The following TENM4 variants were observed in gnomAD, a reference collection of about 807,000 sequenced individuals.
The protein encoded by TENM4 is teneurin-4.
TENM4 carries 82 observed loss-of-function variants against 243.3 expected under a neutral mutation model. The ratio of observed to expected loss-of-function variants is 0.34; its 90% CI spans 0.28 to 0.40. TENM4 has a LOEUF of 0.40. TENM4 is among the 10% of genes least tolerant of loss of function. The pLI, the probability that TENM4 is intolerant of heterozygous loss-of-function variation, is 1.00. For synonymous variants in TENM4, 1,412 were observed against 1,456.3 expected (o/e 0.97, Z 0.69); for missense variants, 3,138 against 3,673.3 (o/e 0.85, Z 3.77).
At chr11:79,437,955 A>G (rs1281301171) in intron 1 of TENM4, among the ~76,000 whole-genome samples, 1 of 152,154 alleles carries the variant, frequency 6.6e-6, no homozygotes, top group African/African-American at 2.4e-5. Context: ...TGGCTTTTCA[A>G]TCGCATTGTT....
At chr11:79,231,922 A>G (rs1202271550) in intron 2 of TENM4, among the ~76,000 whole-genome samples, 2 of 152,176 alleles carry the variant, frequency 1.3e-5, no homozygotes, top group East Asian at 3.9e-4. Flanking sequence ...TCTACTAAAA[A>G]TAGAAAAATT....
chr11:79,302,899 C>T (rs1165675026), intron 1 of TENM4, among the ~76,000 whole-genome samples: 1 of 152,150 alleles, frequency 6.6e-6, no homozygotes, highest in East Asian at 1.9e-4. Flanking sequence ...TGTTGATGCC[C>T]TCACTTTGGT....
At chr11:79,321,640 C>CAAA (rs60886884) in intron 1 of TENM4, among the ~76,000 whole-genome samples, 29 of 82,212 alleles carry the variant, frequency 3.5e-4, no homozygotes, top group South Asian at 1.5e-3. Flanking sequence ...AGGAAATTAC[C>CAAA]AAAAAAAAAA....
chr11:79,260,372 C>A (rs1855775262), intron 2 of TENM4, among the ~76,000 whole-genome samples: 1 of 152,158 alleles, frequency 6.6e-6, no homozygotes, highest in Non-Finnish European at 1.5e-5. Flanking sequence ...TAAGAACATC[C>A]CTTTAATGAA....
At chr11:79,135,792 AT>A (rs1862099443) in intron 4 of TENM4, among the ~76,000 whole-genome samples, 2 of 140,260 alleles carry the variant, frequency 1.4e-5, no homozygotes, top group Non-Finnish European at 1.5e-5. Flanking sequence ...GATATATATC[AT>A]TATATATGTA....
At chr11:78,927,447 C>T (rs1438277769) in intron 6 of TENM4, among the ~76,000 whole-genome samples, 6 of 151,994 alleles carry the variant, frequency 3.9e-5, no homozygotes, top group Admixed American at 3.3e-4. Flanking sequence ...AACATGGTTG[C>T]TAAGGGATGT....
intron 18 of TENM4, among the ~76,000 whole-genome samples, chr11:78,770,662 T>C (rs559242797): frequency 6.6e-6 from 1 of 152,352 alleles, no homozygotes; most frequent in Non-Finnish European, 1.5e-5. Context: ...CTTATCCATC[T>C]CCAGTGAGGG....
At chr11:79,192,160 GC>G (rs1302736574) in intron 3 of TENM4, among the ~76,000 whole-genome samples, 8 of 151,256 alleles carry the variant, frequency 5.3e-5, no homozygotes, top group Non-Finnish European at 1.2e-4. Flanking sequence ...TCAGCCCCCT[GC>G]CCGGCCAGCT....
intron 12 of TENM4, among the ~76,000 whole-genome samples, chr11:78,819,535 C>G (rs1420123345): frequency 6.6e-6 from 1 of 152,186 alleles, no homozygotes; most frequent in Non-Finnish European, 1.5e-5. Context: ...CCTCTGTCAG[C>G]TCACCATGGC....
At chr11:79,115,104 G>T (rs1246369654) in intron 4 of TENM4, among the ~76,000 whole-genome samples, 1 of 152,204 alleles carries the variant, frequency 6.6e-6, no homozygotes, top group African/African-American at 2.4e-5. Flanking sequence ...GTAGGAAAGG[G>T]AGATAGTGAG....
At chr11:79,356,161 C>A (rs573743593) in intron 1 of TENM4, among the ~76,000 whole-genome samples, 1 of 152,142 alleles carries the variant, frequency 6.6e-6, no homozygotes, top group East Asian at 1.9e-4. Flanking sequence ...TGCATCTGGA[C>A]GTGAATCCAA....
chr11:78,787,195 G>T lies in TENM4; in HGVS notation c.2180-112C>A, dbSNP rs1298397766. ...AACAACAAGTATTGAGCAAGTTATT[G>T]TTGGAAACCAAAGTCACACTTGGCT... is the stretch of plus-strand genomic sequence containing the variant. On this transcript the variant is annotated intron_variant, in intron 15 of 33. Transcript: ENST00000278550. 4.7e-6 allele frequency: 6 copies of T among 1,286,872 alleles called. No homozygotes were observed. In the East Asian group the frequency reaches 1.3e-4, roughly 27 times the overall value. The allele number at this position is 1,286,872 out of a possible 1,614,324, so 79.7% of individuals were successfully genotyped here. A position where few individuals can be genotyped will look rare whatever the true frequency, so the allele number is the denominator to read the frequency against.
chr11:79,208,089 T>A (rs1863885032), intron 3 of TENM4, among the ~76,000 whole-genome samples: 3 of 152,020 alleles, frequency 2.0e-5, no homozygotes, highest in Admixed American at 2.0e-4. Flanking sequence ...CCTGGAATTC[T>A]TGCTCTAGAA....
At chr11:78,751,372 C>T (rs1856188235) in intron 19 of TENM4, among the ~76,000 whole-genome samples, 1 of 152,176 alleles carries the variant, frequency 6.6e-6, no homozygotes, top group Admixed American at 6.5e-5. Context: ...TGTCTCCTGT[C>T]AGCTGAGTCT....
chr11:79,330,913 G>T (rs1346512756), intron 1 of TENM4, among the ~76,000 whole-genome samples: 1 of 152,140 alleles, frequency 6.6e-6, no homozygotes, highest in Non-Finnish European at 1.5e-5. Flanking sequence ...AGAGACACGT[G>T]GGGTCATGAG....
At chr11:78,949,908 C>T (rs147078461) in intron 6 of TENM4, among the ~76,000 whole-genome samples, 5 of 152,246 alleles carry the variant, frequency 3.3e-5, no homozygotes, top group Admixed American at 1.3e-4. Flanking sequence ...CTCTCTGTCT[C>T]GGTTTCCTCC....
chr11:79,099,459 C>T (rs1344244138), intron 4 of TENM4, among the ~76,000 whole-genome samples: 1 of 152,166 alleles, frequency 6.6e-6, no homozygotes, highest in Non-Finnish European at 1.5e-5. Context: ...TTTCCCCTCC[C>T]AAAGCACTTG....
rs796675977 is a variant in TENM4, at chr11:79,255,779, A to G, written c.-264-39870T>C. Among the ~76,000 whole-genome samples the G allele has an allele frequency of 6.4e-4, 97 of 152,326 alleles. 1 individual carries two copies. Among genetic ancestry groups the G allele is most frequent in the African/African-American group, 2.1e-3 (89 of 41,582 alleles). The stretch of plus-strand genomic sequence containing the variant: ...CTTTTGTCCCTAACACAATCTTGTT[A>G]AGACTCTAAGGAAAGCTCAGGTTTG... On this transcript the variant is annotated intron_variant, in intron 2 of 33. Transcript: ENST00000278550.
chr11:78,840,871 C>T (rs1858242556), intron 12 of TENM4, among the ~76,000 whole-genome samples: 1 of 152,208 alleles, frequency 6.6e-6, no homozygotes, highest in African/African-American at 2.4e-5. Context: ...TCTGCTCTTA[C>T]TCAATGTGTG....
Sources: allele counts gnomAD v4.1 joint callset (sites outside exome capture counted in the v4.1 genomes callset), GRCh38; gene constraint gnomAD v4.1.1; transcripts MANE v1.5; gene names NCBI Gene and HGNC (gene_info 2026-07-23, HGNC 2026-07-21).